ROR2: variants seen among roughly 807,000 people sequenced by gnomAD.
ROR2 encodes the protein ROR family WNT receptor 2, also known as tyrosine-protein kinase transmembrane receptor ROR2.
Under a neutral mutation model 74.9 loss-of-function variants are expected in ROR2, and 33 were observed. The ratio of observed to expected loss-of-function variants is 0.44; its 90% CI spans 0.33 to 0.59. The LOEUF (loss-of-function observed/expected upper bound fraction) is 0.59, where lower values mean the gene tolerates loss of function less well. Among genes scored for constraint, ROR2 ranks in the 20% least tolerant of loss-of-function variants. The pLI, the probability that ROR2 is intolerant of heterozygous loss-of-function variation, is 0.02. For synonymous variants in ROR2, 586 were observed against 558.7 expected (o/e 1.05, Z -0.69); for missense variants, 1,216 against 1,313.8 (o/e 0.93, Z 1.15).
rs531437355 is a variant in ROR2 at position 91,772,240 on chromosome 9, T to C, written c.175+3501A>G. On this transcript the variant is annotated intron_variant, in intron 2 of 8. Coordinates refer to ENST00000375708, the MANE Select transcript of ROR2 (RefSeq NM_004560.4). Reference sequence around the variant, plus strand: ...ATTGGGGCCCCTACCCTGAGACTTCTGGGGGGCAGTTCACTACAGATCCTG... The same window carrying C: ...ATTGGGGCCCCTACCCTGAGACTTCCGGGGGGCAGTTCACTACAGATCCTG... 4.6e-5 allele frequency among the ~76,000 whole-genome samples: 7 copies of C among 152,226 alleles called. No individual in the cohort carries two copies. In the East Asian group the frequency reaches 1.2e-3, roughly 25 times the overall value.
intron 1 of ROR2, among the ~76,000 whole-genome samples, chr9:91,878,140 C>A (rs1830005969): frequency 6.6e-6 from 1 of 152,140 alleles, no homozygotes. Context: ...AAAAAAAACA[C>A]CCTAGAGTAG....
intron 1 of ROR2, among the ~76,000 whole-genome samples, chr9:91,831,592 G>A (rs1216075371): frequency 2.0e-5 from 3 of 152,002 alleles, no homozygotes; most frequent in African/African-American, 4.8e-5. Context: ...TCTCACCAAC[G>A]TGGTGAAACT....
chr9:91,878,413 A>G (rs920983014), intron 1 of ROR2, among the ~76,000 whole-genome samples: 5 of 152,218 alleles, frequency 3.3e-5, no homozygotes, highest in South Asian at 4.1e-4. Flanking sequence ...CTTGCCTGGC[A>G]GAAGTGGGTT....
intron 1 of ROR2, among the ~76,000 whole-genome samples, chr9:91,947,876 C>T (rs2118109586): frequency 6.6e-6 from 1 of 152,234 alleles, no homozygotes; most frequent in Non-Finnish European, 1.5e-5. Context: ...CTCCTGTAAT[C>T]ATATAATTTT....
chr9:91,939,774 C>G (rs1030574321), intron 1 of ROR2, among the ~76,000 whole-genome samples: 1 of 152,176 alleles, frequency 6.6e-6, no homozygotes, highest in African/African-American at 2.4e-5. Flanking sequence ...CGCATTAATA[C>G]TGCATTTGTT....
chr9:91,831,587 C>T (rs1828467009), intron 1 of ROR2, among the ~76,000 whole-genome samples: 1 of 152,094 alleles, frequency 6.6e-6, no homozygotes, highest in African/African-American at 2.4e-5. Context: ...ACCAATCTCA[C>T]CAACGTGGTG....
intron 1 of ROR2, among the ~76,000 whole-genome samples, chr9:91,899,255 G>A (rs72746246): frequency 0.21 from 32,556 of 152,146 alleles, 4,106 homozygotes; most frequent in Admixed American, 0.4. Flanking sequence ...GGCATTATCT[G>A]CTGGGAGCCT....
chr9:91,746,083 T>C (rs1825401753), intron 4 of ROR2, among the ~76,000 whole-genome samples: 1 of 152,060 alleles, frequency 6.6e-6, no homozygotes, highest in South Asian at 2.1e-4. Flanking sequence ...TATTTATTTA[T>C]TTATTTTTTA....
intron 6 of ROR2, among the ~76,000 whole-genome samples, chr9:91,732,134 C>A (rs1456008816): frequency 6.6e-6 from 1 of 152,090 alleles, no homozygotes; most frequent in Non-Finnish European, 1.5e-5. Context: ...ATTCCTGGAC[C>A]CCCAGATTAG....
intron 1 of ROR2, among the ~76,000 whole-genome samples, chr9:91,898,679 A>G (rs1830597315): frequency 6.6e-6 from 1 of 152,244 alleles, no homozygotes; most frequent in Non-Finnish European, 1.5e-5. Context: ...AGATGCCCGT[A>G]AATCACCAAC....
rs1837221874 is a variant in ROR2, at chr9:91,730,984, C to T, written c.1109G>A (p.Gly370Asp). Residue 370 changes from glycine (G) to aspartate (D), a missense_variant, in exon 7 of 9, where the codon GGC becomes GAC. Physicochemically the swap from Gly to Asp is moderately conservative, Grantham distance 94. Coordinates refer to ENST00000375708, the MANE Select transcript of ROR2 (RefSeq NM_004560.4). Reference protein sequence around the residue: ...GGHAYCRNPGGQMEGPWCFTQ... With the variant: ...GGHAYCRNPGDQMEGPWCFTQ... ...AAAGCACCAGGGGCCCTCCATCTGG[C>T]CTCCGGGGTTCCGGCAGTAGGCGTG... The T allele has an allele frequency of 6.2e-7, 1 of 1,614,190 alleles. No homozygotes were observed. Among genetic ancestry groups the T allele is most frequent in the East Asian group, 2.2e-5 (1 of 44,876 alleles).
In ROR2 at chr9:91,746,372, T is replaced by C. The variant is rs758019135; in HGVS notation, c.495-8854A>G. Among the ~76,000 whole-genome samples the C allele has an allele frequency of 1.0e-3, 157 of 152,332 alleles. 1 individual carries two copies. Among genetic ancestry groups the C allele is most frequent in the Middle Eastern group, 3.4e-3 (1 of 294 alleles). On this transcript the variant is annotated intron_variant, in intron 4 of 8. Coordinates refer to ENST00000375708, the MANE Select transcript of ROR2 (RefSeq NM_004560.4). ...GATTACAGGCCTGAGCCACCATGCC[T>C]GGCCTGGCCTGGTTTCTGCTCACGT... is the stretch of plus-strand genomic sequence containing the variant.
intron 1 of ROR2, among the ~76,000 whole-genome samples, chr9:91,876,618 GAAAC>G (rs1039791004): frequency 2.6e-5 from 4 of 152,116 alleles, no homozygotes; most frequent in African/African-American, 9.7e-5. Context: ...CACTCCAGAG[GAAAC>G]AAAGATGACT....
chr9:91,835,438 G>A (rs951705175), intron 1 of ROR2, among the ~76,000 whole-genome samples: 1 of 152,090 alleles, frequency 6.6e-6, no homozygotes, highest in African/African-American at 2.4e-5. Context: ...TCCATATACT[G>A]GAAAAGCAGA....
At chr9:91,866,465 T>G (rs1359836167) in intron 1 of ROR2, among the ~76,000 whole-genome samples, 3 of 142,222 alleles carry the variant, frequency 2.1e-5, no homozygotes, top group Non-Finnish European at 4.5e-5. Context: ...TCACCCAGGC[T>G]GGAGTGCAGT....
chr9:91,768,091 C>A (rs1826116233), intron 2 of ROR2, among the ~76,000 whole-genome samples: 1 of 152,160 alleles, frequency 6.6e-6, no homozygotes, highest in African/African-American at 2.4e-5. Context: ...CACAGAGCAC[C>A]ATGGGCACCA....
intron 1 of ROR2, among the ~76,000 whole-genome samples, chr9:91,852,438 TATGACTGCTGTAAAGCA>T (rs1829125927): frequency 6.6e-6 from 1 of 152,222 alleles, no homozygotes; most frequent in Non-Finnish European, 1.5e-5. Flanking sequence ...TGACAGCAGC[TATGACTGCTGTAAAGCA>T]ATGACTCCAT....
chr9:91,730,848 G>GC, intron 7 of ROR2, 62 bp downstream of exon 7: 11 of 1,608,166 alleles, frequency 6.8e-6, no homozygotes, highest in Non-Finnish European at 7.6e-6. Context: ...AGGACAGAAC[G>GC]CCCTCATCAC....
chr9:91,737,433 C>T lies in ROR2; in HGVS notation c.580G>A (p.Asp194Asn). 2.5e-6 allele frequency: 4 copies of T among 1,614,168 alleles called. No homozygotes were observed. Among genetic ancestry groups the T allele is most frequent in the Non-Finnish European group, 3.4e-6 (4 of 1,180,038 alleles). Reference sequence around the variant, plus strand: ...ATCTCCCCCTGCATCTGAAGCGAGTCCACATAAATGGTCCGGTTGCCAATG... The same window carrying T: ...ATCTCCCCCTGCATCTGAAGCGAGTTCACATAAATGGTCCGGTTGCCAATG... ...RFIGNRTIYV[D>N]SLQMQGEIEN... Residue 194 changes from aspartate to asparagine, a missense_variant, in exon 5 of 9, where the codon GAC becomes AAC. Transcript: ENST00000375708.
Sources: allele counts gnomAD v4.1 joint callset (sites outside exome capture counted in the v4.1 genomes callset), GRCh38; gene constraint gnomAD v4.1.1; transcripts MANE v1.5; gene names NCBI Gene and HGNC (gene_info 2026-07-23, HGNC 2026-07-21).